TESK2: variants seen among roughly 807,000 people sequenced by gnomAD.
TESK2 encodes the protein testis associated actin remodelling kinase 2.
In TESK2, 39 loss-of-function variants were observed where a neutral mutation model predicts 57.1. That is an observed-to-expected ratio of 0.68 (90% CI 0.53 to 0.89). The LOEUF (loss-of-function observed/expected upper bound fraction) is 0.89, where lower values mean the gene tolerates loss of function less well. Ranked by LOEUF, TESK2 falls within the 40% of genes least tolerant of loss-of-function variation. TESK2 has a pLI of 0.00. For synonymous variants in TESK2, 249 were observed against 267.9 expected, an observed-to-expected ratio of 0.93 and a Z score of 0.69; for missense variants, 646 against 732.1, an observed-to-expected ratio of 0.88 and a Z score of 1.36.
Position 45,457,786 on chromosome 1 carries a change from A to G in TESK2, c.-1T>C. 1 of 1,612,238 alleles carries G rather than the reference A, an allele frequency of 6.2e-7. No homozygotes were observed. The highest frequency in any genetic ancestry group is 1.1e-5 in the South Asian group (1 of 91,016). ...TTGAATTCCGTTTGCTCCGATCCAT[A>G]GTCTAAATAATCACTTTTTTCTTCT... On this transcript the variant is annotated 5_prime_UTR_variant, in exon 2 of 11. Transcript: ENST00000372086.
chr1:45,489,337 T>C (rs1653621553), intron 1 of TESK2, among the ~76,000 whole-genome samples: 1 of 152,208 alleles, frequency 6.6e-6, no homozygotes, highest in African/African-American at 2.4e-5. Context: ...CTCCTTCTGG[T>C]CCACAGCCCT....
intron 2 of TESK2, among the ~76,000 whole-genome samples, chr1:45,442,834 G>A (rs772228782): frequency 1.3e-5 from 2 of 152,162 alleles, no homozygotes; most frequent in Admixed American, 6.5e-5. Flanking sequence ...CACCCAGGCT[G>A]GAGTGCAGTG....
chr1:45,446,360 C>T (rs1242131069), intron 2 of TESK2, among the ~76,000 whole-genome samples: 1 of 151,962 alleles, frequency 6.6e-6, no homozygotes, highest in African/African-American at 2.4e-5. Context: ...ACTCAGGAGG[C>T]TGAGGCAGGA....
intron 3 of TESK2, among the ~76,000 whole-genome samples, chr1:45,403,117 C>G (rs1206899590): frequency 6.6e-6 from 1 of 151,250 alleles, no homozygotes; most frequent in Admixed American, 6.6e-5. Flanking sequence ...GACCTCATCT[C>G]TACTAAATAT....
chr1:45,346,479 G>A (rs1007555764), intron 9 of TESK2, among the ~76,000 whole-genome samples: 6 of 152,194 alleles, frequency 3.9e-5, no homozygotes, highest in African/African-American at 1.2e-4. Context: ...TACAGGTTGA[G>A]GACCAGATAA....
chr1:45,378,080 G>A (rs1046129015), intron 4 of TESK2, among the ~76,000 whole-genome samples: 3 of 152,032 alleles, frequency 2.0e-5, no homozygotes, highest in African/African-American at 7.2e-5. Flanking sequence ...TTTGGGGAAG[G>A]TAACCAAGCT....
chr1:45,437,528 G>T (rs1385879346), intron 2 of TESK2, among the ~76,000 whole-genome samples: 5 of 152,018 alleles, frequency 3.3e-5, no homozygotes, highest in African/African-American at 1.2e-4. Context: ...TTCCAATTTG[G>T]ATGCCTTTTC....
At chr1:45,381,854 C>T (rs1648664187) in intron 4 of TESK2, among the ~76,000 whole-genome samples, 1 of 147,526 alleles carries the variant, frequency 6.8e-6, no homozygotes, top group African/African-American at 2.5e-5. Flanking sequence ...ATGGTACATT[C>T]CTATTCTTTT....
chr1:45,357,454 G>A (rs758072864), intron 4 of TESK2, among the ~76,000 whole-genome samples: 3 of 151,338 alleles, frequency 2.0e-5, no homozygotes, highest in Non-Finnish European at 4.4e-5. Flanking sequence ...AGACTGAAGT[G>A]AACAGAGGAA....
intron 2 of TESK2, among the ~76,000 whole-genome samples, chr1:45,441,327 C>A (rs1015507113): frequency 1.9e-4 from 29 of 152,088 alleles, no homozygotes; most frequent in African/African-American, 7.0e-4. Flanking sequence ...CCTACCATCA[C>A]GCCCAGCTAA....
chr1:45,380,188 C>G (rs919759792), intron 4 of TESK2, among the ~76,000 whole-genome samples: 1 of 152,232 alleles, frequency 6.6e-6, no homozygotes, highest in Admixed American at 6.5e-5. Flanking sequence ...GCATGAGCCA[C>G]TGCACCTGGC....
chr1:45,445,290 G>T (rs1651602574), intron 2 of TESK2, among the ~76,000 whole-genome samples: 1 of 151,934 alleles, frequency 6.6e-6, no homozygotes, highest in Admixed American at 6.6e-5. Flanking sequence ...CTAAATTCTT[G>T]GGGAGATAGA....
chr1:45,451,921 T>C (rs931987680), intron 2 of TESK2, among the ~76,000 whole-genome samples: 13 of 150,906 alleles, frequency 8.6e-5, no homozygotes, highest in African/African-American at 3.2e-4. Context: ...TAATCCCAGC[T>C]ACTCAGAAGG....
At chr1:45,473,620 G>C (rs920470175) in intron 1 of TESK2, among the ~76,000 whole-genome samples, 7 of 152,100 alleles carry the variant, frequency 4.6e-5, no homozygotes, top group African/African-American at 1.7e-4. Flanking sequence ...GCAAAGTTCT[G>C]GTTGTTAAAA....
intron 2 of TESK2, among the ~76,000 whole-genome samples, chr1:45,436,133 T>C (rs1651198358): frequency 6.6e-6 from 1 of 151,350 alleles, no homozygotes; most frequent in African/African-American, 2.4e-5. Context: ...CCATACAAAA[T>C]TTTAGGACTG....
At chr1:45,460,435 G>C (rs571212567) in intron 1 of TESK2, among the ~76,000 whole-genome samples, 1 of 152,224 alleles carries the variant, frequency 6.6e-6, no homozygotes, top group Non-Finnish European at 1.5e-5. Flanking sequence ...CAGGAGAATA[G>C]CTTGAACCTG....
At chr1:45,375,402 C>T (rs932856863) in intron 4 of TESK2, among the ~76,000 whole-genome samples, 13 of 151,126 alleles carry the variant, frequency 8.6e-5, no homozygotes, top group African/African-American at 2.7e-4. Flanking sequence ...CTTTGATATC[C>T]ACACAGCTAG....
At chr1:45,455,591 G>C (rs1259185337) in intron 2 of TESK2, among the ~76,000 whole-genome samples, 1 of 152,180 alleles carries the variant, frequency 6.6e-6, no homozygotes, top group Non-Finnish European at 1.5e-5. Flanking sequence ...TACAGTTACA[G>C]AAGGGAGAAT....
At chr1:45,398,375 C>G (rs1041927915) in intron 3 of TESK2, among the ~76,000 whole-genome samples, 15 of 151,970 alleles carry the variant, frequency 9.9e-5, no homozygotes, top group Non-Finnish European at 1.9e-4. Context: ...AACCCAATCT[C>G]TACCAAAAAT....
Sources: allele counts gnomAD v4.1 joint callset (sites outside exome capture counted in the v4.1 genomes callset), GRCh38; gene constraint gnomAD v4.1.1; transcripts MANE v1.5; gene names NCBI Gene and HGNC (gene_info 2026-07-23, HGNC 2026-07-21).